DCC: variants seen among roughly 807,000 people sequenced by gnomAD.
The protein encoded by DCC is DCC netrin 1 receptor.
In DCC, 58 loss-of-function variants were observed where a neutral mutation model predicts 172.5. The ratio of observed to expected loss-of-function variants is 0.34; its 90% CI spans 0.27 to 0.42. DCC has a LOEUF of 0.42. Among genes scored for constraint, DCC ranks in the 10% least tolerant of loss-of-function variants. The pLI is 1.00. For missense variants in DCC, 1,740 were observed against 1,791.0 expected (o/e 0.97, Z 0.51); for synonymous variants, 709 against 644.5 (o/e 1.10, Z -1.52).
At chr18:53,350,368 C>A (rs905680531) in intron 15 of DCC, among the ~76,000 whole-genome samples, 9 of 152,092 alleles carry the variant, frequency 5.9e-5, no homozygotes, top group Non-Finnish European at 1.2e-4. Flanking sequence ...AATATTTTAA[C>A]CATAGTACAT....
intron 19 of DCC, among the ~76,000 whole-genome samples, chr18:53,408,837 T>G (rs1435778136): frequency 6.6e-6 from 1 of 152,152 alleles, no homozygotes; most frequent in Non-Finnish European, 1.5e-5. Flanking sequence ...TTTTCAGCAT[T>G]GTTCAAAATT....
chr18:53,193,319 A>G (rs991411458), intron 9 of DCC, among the ~76,000 whole-genome samples: 17 of 151,776 alleles, frequency 1.1e-4, no homozygotes. Context: ...GCCATATTAG[A>G]CTGTGAGTTC....
chr18:52,341,634 C>CA (rs1410757268), intron 1 of DCC, among the ~76,000 whole-genome samples: 5 of 142,818 alleles, frequency 3.5e-5, no homozygotes, highest in Non-Finnish European at 8.1e-5. Flanking sequence ...TTAAAAATGG[C>CA]AAAACTGTTT....
chr18:52,422,515 G>A (rs896116550), intron 1 of DCC, among the ~76,000 whole-genome samples: 1 of 152,112 alleles, frequency 6.6e-6, no homozygotes, highest in Non-Finnish European at 1.5e-5. Context: ...GAAGACTGTA[G>A]GTTGCCCCAG....
chr18:52,762,691 G>A (rs1221483698), intron 2 of DCC, among the ~76,000 whole-genome samples: 1 of 152,034 alleles, frequency 6.6e-6, no homozygotes, highest in Non-Finnish European at 1.5e-5. Context: ...AGGTATGGTA[G>A]TACATGCCTG....
At chr18:53,368,913 G>A (rs1289454619) in intron 15 of DCC, among the ~76,000 whole-genome samples, 2 of 151,640 alleles carry the variant, frequency 1.3e-5, no homozygotes, top group African/African-American at 2.4e-5. Flanking sequence ...AATTGTTTTG[G>A]CTATTTGGAC....
intron 1 of DCC, among the ~76,000 whole-genome samples, chr18:52,547,400 C>A (rs1334347892): frequency 1.3e-5 from 2 of 152,152 alleles, no homozygotes; most frequent in Admixed American, 1.3e-4. Context: ...TTTTAGTCCA[C>A]TCATTCCACT....
At chr18:52,562,437 T>A (rs942998835) in intron 1 of DCC, among the ~76,000 whole-genome samples, 9 of 152,148 alleles carry the variant, frequency 5.9e-5, no homozygotes, top group African/African-American at 2.2e-4. Context: ...TTAGATGACT[T>A]GTATCAAACC....
chr18:53,333,498 G>A (rs2057555748), intron 14 of DCC, among the ~76,000 whole-genome samples: 1 of 152,212 alleles, frequency 6.6e-6, no homozygotes, highest in South Asian at 2.1e-4. Flanking sequence ...GTATGTGGTG[G>A]CGACTGTTTG....
intron 12 of DCC, among the ~76,000 whole-genome samples, chr18:53,288,809 T>A (rs2056964840): frequency 6.6e-6 from 1 of 152,162 alleles, no homozygotes; most frequent in Non-Finnish European, 1.5e-5. Flanking sequence ...TTAACTTATC[T>A]GAACTTTAGT....
intron 5 of DCC, among the ~76,000 whole-genome samples, chr18:53,021,222 G>C (rs1334725245): frequency 6.6e-6 from 1 of 152,174 alleles, no homozygotes. Context: ...CTGGCCCCGT[G>C]TTCATTCTTT....
intron 25 of DCC, among the ~76,000 whole-genome samples, chr18:53,468,362 A>ATTTATTTATTTATTTT (rs1568151560): frequency 9.2e-5 from 1 of 10,886 alleles, no homozygotes; most frequent in Non-Finnish European, 2.2e-4. Flanking sequence ...TTATTTATTT[A>ATTTATTTATTTATTTT]TTTTATTTAT....
chr18:53,344,440 C>CTTTTTTTTT (rs71175582), intron 15 of DCC, among the ~76,000 whole-genome samples: 45 of 97,070 alleles, frequency 4.6e-4, no homozygotes, highest in East Asian at 9.6e-4. Context: ...TTTCGTTTTT[C>CTTTTTTTTT]TTTTTTTTTT....
chr18:52,496,066 T>C (rs531276322), intron 1 of DCC, among the ~76,000 whole-genome samples: 25 of 152,258 alleles, frequency 1.6e-4, no homozygotes, highest in Non-Finnish European at 3.2e-4. Context: ...TGTACCATAG[T>C]ACACACTAAG....
chr18:52,803,583 T>C (rs1211414559), intron 2 of DCC, among the ~76,000 whole-genome samples: 1 of 152,332 alleles, frequency 6.6e-6, no homozygotes, highest in East Asian at 1.9e-4. Flanking sequence ...ATTTAGAGTA[T>C]AACTTAGTTT....
chr18:52,688,914 AC>A (rs1174445476), intron 1 of DCC, among the ~76,000 whole-genome samples: 1 of 152,102 alleles, frequency 6.6e-6, no homozygotes, highest in Non-Finnish European at 1.5e-5. Flanking sequence ...TATTAATATT[AC>A]CCAGTAAATC....
At chr18:52,792,786 TTCC>T (rs2037797875) in intron 2 of DCC, among the ~76,000 whole-genome samples, 2 of 152,056 alleles carry the variant, frequency 1.3e-5, no homozygotes, top group Admixed American at 6.5e-5. Context: ...TTCCATTCCA[TTCC>T]ATTCCATTCC....
rs1300447517 is a variant in DCC at position 53,063,313 on chromosome 18, T to C, written c.994T>C (p.Trp332Arg). The C allele has an allele frequency of 4.3e-6, 7 of 1,613,076 alleles. No individual in the cohort carries two copies. The East Asian group carries it at 1.1e-4, about 26-fold the overall frequency. ...TTTTTCTGTCTTTGCAGTTCCGCCA[T>C]GGTTTTTAAATCATCCTTCCAACCT... is the stretch of plus-strand genomic sequence containing the variant. ...SAELTVLVPPWFLNHPSNLYA... is the reference protein window; with the variant it reads ...SAELTVLVPPRFLNHPSNLYA... The change falls in exon 6 of 29, where the codon TGG (tryptophan) becomes CGG (arginine). Residue 332 changes from tryptophan to arginine, a missense_variant. Trp to Arg is a moderately radical substitution (Grantham distance 101). Coordinates refer to ENST00000442544, the MANE Select transcript of DCC (RefSeq NM_005215.4).
chr18:53,402,401 A>AAAATAAAT (rs1328352289), intron 18 of DCC, among the ~76,000 whole-genome samples: 1 of 144,700 alleles, frequency 6.9e-6, no homozygotes, highest in Admixed American at 6.9e-5. Context: ...AAAAAAAAAA[A>AAAATAAAT]AAATAAATAA....
Sources: allele counts gnomAD v4.1 joint callset (sites outside exome capture counted in the v4.1 genomes callset), GRCh38; gene constraint gnomAD v4.1.1; transcripts MANE v1.5; gene names NCBI Gene and HGNC (gene_info 2026-07-23, HGNC 2026-07-21).